Variants in CUEDC1 observed in about 807,000 individuals in gnomAD.
CUEDC1 encodes CUE domain containing 1, also known as CUE domain-containing protein 1.
In CUEDC1, 30 loss-of-function variants were observed where a neutral mutation model predicts 43.7. The observed-to-expected ratio is 0.69, with a 90% CI of 0.51 to 0.93. CUEDC1 has a LOEUF of 0.93. Among genes scored for constraint, CUEDC1 ranks in the 40% least tolerant of loss-of-function variants. The probability of loss-of-function intolerance (pLI) is 0.00; values close to 1 mark genes in which losing one functional copy is unlikely to be tolerated. For synonymous variants in CUEDC1, 223 were observed against 223.6 expected (o/e 1.00, Z 0.02); for missense variants, 486 against 549.0 (o/e 0.89, Z 1.15).
intron 1 of CUEDC1, among the ~76,000 whole-genome samples, chr17:57,916,051 C>T (rs768804717): frequency 4.6e-5 from 7 of 152,232 alleles, no homozygotes; most frequent in Non-Finnish European, 7.3e-5. Context: ...CTCATCTTCT[C>T]ACGAGTTCAA....
chr17:57,910,615 GAAAGAA>G (rs1490577019), intron 1 of CUEDC1, among the ~76,000 whole-genome samples: 4 of 146,368 alleles, frequency 2.7e-5, no homozygotes, highest in African/African-American at 1.0e-4. Context: ...GAAAAGAAAG[GAAAGAA>G]AAAGAAAAGG....
intron 1 of CUEDC1, among the ~76,000 whole-genome samples, chr17:57,924,347 GC>G (rs1400372249): frequency 6.6e-6 from 1 of 152,090 alleles, no homozygotes; most frequent in Non-Finnish European, 1.5e-5. Context: ...CTCGTGATCT[GC>G]CCGCCTCGGC....
intron 1 of CUEDC1, among the ~76,000 whole-genome samples, chr17:57,948,368 A>T (rs2074976542): frequency 6.6e-6 from 1 of 151,878 alleles, no homozygotes; most frequent in South Asian, 2.1e-4. Flanking sequence ...GGTCCCTCCC[A>T]GTGAGCACCC....
At chr17:57,879,857 T>C in intron 2 of CUEDC1, 119 bp from the exon 3 acceptor site, 1 of 1,039,530 alleles carries the variant, frequency 9.6e-7, no homozygotes, top group Non-Finnish European at 1.4e-6. Context: ...GTGTTGCTAG[T>C]GGGAGTGTAA....
chr17:57,913,800 C>A (rs1328643278), intron 1 of CUEDC1, among the ~76,000 whole-genome samples: 1 of 152,208 alleles, frequency 6.6e-6, no homozygotes, highest in Non-Finnish European at 1.5e-5. Context: ...CTGGCCACCA[C>A]TGGCCAGCAC....
At chr17:57,878,486 A>G (rs906414795) in intron 3 of CUEDC1, among the ~76,000 whole-genome samples, 2 of 151,566 alleles carry the variant, frequency 1.3e-5, no homozygotes, top group African/African-American at 4.9e-5. Flanking sequence ...CTGTCCCATC[A>G]TCTCCCCACC....
intron 1 of CUEDC1, among the ~76,000 whole-genome samples, chr17:57,936,802 T>C (rs1432492017): frequency 7.3e-6 from 1 of 136,768 alleles, no homozygotes; most frequent in African/African-American, 2.6e-5. Flanking sequence ...CCCGCCCCCA[T>C]ACAGCCCTCC....
chr17:57,954,537 C>G lies in CUEDC1; in HGVS notation c.-316+688G>C, dbSNP rs1208718169. On this transcript the variant is annotated intron_variant, in intron 1 of 10. Coordinates refer to ENST00000577830, the MANE Select transcript of CUEDC1 (RefSeq NM_001271875.2). This position sits in a 1 kb window ranked among gnomAD's most constrained non-coding sequence, Gnocchi z 4.3. ...AGGAATGAATAAACGCTGACACCAG[C>G]CCCCCTTGGAGCTCAGAGCCTGGGG... Among the ~76,000 whole-genome samples, 1 of 152,140 alleles carries G rather than the reference C, an allele frequency of 6.6e-6. No individual in the cohort carries two copies. The highest frequency in any genetic ancestry group is 2.4e-5 in the African/African-American group (1 of 41,426).
chr17:57,868,060 G>A, intron 8 of CUEDC1, 90 bp downstream of exon 8: 1 of 1,092,500 alleles, frequency 9.2e-7, no homozygotes, highest in Non-Finnish European at 1.4e-6. Flanking sequence ...ACTCCCAGGG[G>A]AGGGCACAGC....
intron 1 of CUEDC1, among the ~76,000 whole-genome samples, chr17:57,945,252 T>C (rs921485486): frequency 8.5e-5 from 13 of 152,192 alleles, no homozygotes; most frequent in African/African-American, 2.9e-4. Flanking sequence ...TGTTTCCAAC[T>C]TGAGAAGAAC....
intron 1 of CUEDC1, among the ~76,000 whole-genome samples, chr17:57,918,565 G>A (rs1204961512): frequency 6.6e-6 from 1 of 152,214 alleles, no homozygotes; most frequent in Non-Finnish European, 1.5e-5. Context: ...ATTAGAATTA[G>A]GAAGCTGACA....
chr17:57,886,786 T>C (rs1460912747), intron 1 of CUEDC1, among the ~76,000 whole-genome samples: 4 of 151,874 alleles, frequency 2.6e-5, no homozygotes, highest in Admixed American at 6.6e-5. Flanking sequence ...AAAGTTGTCT[T>C]GAGAAACCAT....
At chr17:57,940,932 TA>T (rs985546456) in intron 1 of CUEDC1, among the ~76,000 whole-genome samples, 4 of 152,190 alleles carry the variant, frequency 2.6e-5, no homozygotes, top group African/African-American at 9.7e-5. Flanking sequence ...CCAGAGAAGC[TA>T]AGCTGCCAGG....
At chr17:57,879,843 C>T (rs2074180080) in intron 2 of CUEDC1, 105 bp from the exon 3 acceptor site, 3 of 1,156,518 alleles carry the variant, frequency 2.6e-6, no homozygotes, top group African/African-American at 3.2e-5. Context: ...TAAAGGAACT[C>T]TGTGTGTTGC....
chr17:57,944,437 C>T (rs928747014), intron 1 of CUEDC1, among the ~76,000 whole-genome samples: 18 of 152,024 alleles, frequency 1.2e-4, no homozygotes, highest in African/African-American at 4.3e-4. Flanking sequence ...CTCGAACTCC[C>T]GACCTCAGGT....
At chr17:57,908,132 C>G (rs2074547512) in intron 1 of CUEDC1, among the ~76,000 whole-genome samples, 1 of 152,120 alleles carries the variant, frequency 6.6e-6, no homozygotes, top group Non-Finnish European at 1.5e-5. Context: ...TCTCGGCTCA[C>G]TGCAATCTCC....
At chr17:57,927,216 G>T (rs1469495633) in intron 1 of CUEDC1, among the ~76,000 whole-genome samples, 1 of 152,050 alleles carries the variant, frequency 6.6e-6, no homozygotes, top group East Asian at 1.9e-4. Context: ...ACTTAAAAGG[G>T]CATCCAGGGG....
chr17:57,933,331 CCT>C (rs3085792), intron 1 of CUEDC1, among the ~76,000 whole-genome samples: 73,026 of 151,868 alleles, frequency 0.48, 19,947 homozygotes, highest in East Asian at 0.95. Context: ...TTGGTCGGTT[CCT>C]CCATTAGACC....
At chr17:57,939,914 T>C (rs1567724949) in intron 1 of CUEDC1, among the ~76,000 whole-genome samples, 2 of 152,058 alleles carry the variant, frequency 1.3e-5, no homozygotes, top group Non-Finnish European at 1.5e-5. Context: ...TGAGAACAGC[T>C]GCGTCAGCCA....
Sources: gnomAD v4.1 joint callset for allele counts (sites outside exome capture counted in the v4.1 genomes callset) on GRCh38, gnomAD v4.1.1 for gene constraint, Gnocchi (gnomAD v3.1) non-coding constraint, MANE v1.5 for transcripts, NCBI Gene and HGNC (gene_info 2026-07-23, HGNC 2026-07-21) for gene names.